PAQR7: variants seen among roughly 807,000 people sequenced by gnomAD.
The protein encoded by PAQR7 is progestin and adipoQ receptor family member 7.
A neutral mutation model predicts 24.6 loss-of-function variants in PAQR7; 14 were observed. That is an observed-to-expected ratio of 0.57 (90% CI 0.38 to 0.89). The LOEUF is 0.89. Among genes scored for constraint, PAQR7 ranks in the 40% least tolerant of loss-of-function variants. The pLI, the probability that PAQR7 is intolerant of heterozygous loss-of-function variation, is 0.00. For missense variants in PAQR7, 351 were observed against 444.0 expected (o/e 0.79, Z 1.88); for synonymous variants, 189 against 198.8 (o/e 0.95, Z 0.42).
chr1:25,865,412 C>T (rs969594326), intron 2 of PAQR7, among the ~76,000 whole-genome samples: 2 of 152,184 alleles, frequency 1.3e-5, no homozygotes, highest in African/African-American at 2.4e-5. Flanking sequence ...CAGTGGCTCA[C>T]GCCTGTAATC....
At chr1:25,866,484 G>C (rs78259430) in intron 2 of PAQR7, among the ~76,000 whole-genome samples, 3,932 of 152,224 alleles carry the variant, frequency 0.026, 168 homozygotes, top group African/African-American at 0.089. Flanking sequence ...TGAAAGATTT[G>C]ATCCCTGCCC....
Position 25,862,782 on chromosome 1 carries a change from C to G in PAQR7, c.*17G>C. On this transcript the variant is annotated 3_prime_UTR_variant, in exon 3 of 3. Coordinates refer to ENST00000675840, the MANE Select transcript of PAQR7 (RefSeq NM_178422.6). ...TCCCCCAACTATACCTCCCTCCCTA[C>G]CAGATGCCATCCCCCTTCACTTGGT... 6.2e-7 allele frequency: 1 copy of G among 1,605,598 alleles called. No individual in the cohort carries two copies. The highest frequency in any genetic ancestry group is 8.5e-7 in the Non-Finnish European group (1 of 1,174,664).
rs148531111 is a variant in PAQR7 at position 25,863,643 on chromosome 1, A to G, written c.197T>C (p.Phe66Ser). 1.4e-5 allele frequency: 22 copies of G among 1,614,000 alleles called. No homozygotes were observed. Among genetic ancestry groups the G allele is most frequent in the African/African-American group, 8.0e-5 (6 of 74,922 alleles). The change falls in exon 3 of 3, where the codon TTC (phenylalanine) becomes TCC (serine). Residue 66 changes from phenylalanine (F) to serine (S), a missense_variant. By Grantham distance (155) the Phe-to-Ser change is radical. Transcript: ENST00000675840. This position sits in a 1 kb window ranked among gnomAD's most constrained non-coding sequence, Gnocchi z 6.1. ...QTWRFYFRTL[F>S]QQHNEAVNVW... ...ATTCACGGCCTCGTTGTGCTGCTGG[A>G]ACAGCGTGCGGAAATAGAAGCGCCA...
In PAQR7 at chr1:25,875,680, C is replaced by G. The variant is rs1239273813; in HGVS notation, c.-301G>C. Among the ~76,000 whole-genome samples the G allele has an allele frequency of 6.6e-6, 1 of 151,952 alleles. No individual in the cohort carries two copies. The highest frequency in any genetic ancestry group is 2.4e-5 in the African/African-American group (1 of 41,396). ...CCCCGCCCGCCGCGCACAAGCAGCT[C>G]TGCCCCGCCAGGCCCACGTGTTGCA... On this transcript the variant is annotated 5_prime_UTR_variant, in exon 1 of 3. Coordinates refer to ENST00000675840, the MANE Select transcript of PAQR7 (RefSeq NM_178422.6). This position sits in a 1 kb window ranked among gnomAD's most constrained non-coding sequence, Gnocchi z 5.4.
rs2048641594 is a variant in PAQR7 at position 25,875,292 on chromosome 1, C to G, written c.-109+196G>C. On this transcript the variant is annotated intron_variant, in intron 1 of 2. Transcript: ENST00000675840. The surrounding 1 kb of genome is among the most constrained non-coding windows in gnomAD (Gnocchi z 5.4). ...TCCGCTGGCTGCTTCCCCGGGCGGG[C>G]GTCCTCTCACTTAGCCCAGGTGCTC... 6.6e-6 allele frequency among the ~76,000 whole-genome samples: 1 copy of G among 152,198 alleles called. No individual in the cohort carries two copies. The highest frequency in any genetic ancestry group is 6.5e-5 in the Admixed American group (1 of 15,286).
intron 2 of PAQR7, among the ~76,000 whole-genome samples, chr1:25,869,888 C>G (rs143423378): frequency 6.6e-6 from 1 of 152,176 alleles, no homozygotes; most frequent in Non-Finnish European, 1.5e-5. Flanking sequence ...TGAGTGACAG[C>G]GCTCGCTTAT....
Position 25,862,935 on chromosome 1 carries a change from G to C in PAQR7, c.905C>G (p.Pro302Arg). The change falls in exon 3 of 3, where the codon CCC becomes CGC. Residue 302 changes from proline (P) to arginine (R), a missense_variant. Transcript: ENST00000675840. The stretch of plus-strand genomic sequence containing the variant: ...GTGCGTGTGCAGAGGCTCATAGATG[G>C]GCCGTCGGGCCTCATAGTCCAGTGC... Reference protein sequence around the residue: ...AVALDYEARRPIYEPLHTHWP... With the variant: ...AVALDYEARRRIYEPLHTHWP... The C allele has an allele frequency of 6.2e-7, 1 of 1,614,176 alleles. No individual in the cohort carries two copies. The highest frequency in any genetic ancestry group is 8.5e-7 in the Non-Finnish European group (1 of 1,180,042).
chr1:25,875,620 C>G lies in PAQR7; in HGVS notation c.-241G>C, dbSNP rs2048646372. Among the ~76,000 whole-genome samples, 1 of 151,534 alleles carries G rather than the reference C, an allele frequency of 6.6e-6. No homozygotes were observed. Among genetic ancestry groups the G allele is most frequent in the Non-Finnish European group, 1.5e-5 (1 of 67,826 alleles). ...GCCTCGGGCGCTCTGGCTACAGCCG[C>G]CTCCGCGGGCCCAGGCGACGCCGAG... On this transcript the variant is annotated 5_prime_UTR_variant, in exon 1 of 3. Coordinates refer to ENST00000675840, the MANE Select transcript of PAQR7 (RefSeq NM_178422.6). This position sits in a 1 kb window ranked among gnomAD's most constrained non-coding sequence, Gnocchi z 5.4.
intron 1 of PAQR7, among the ~76,000 whole-genome samples, chr1:25,871,458 G>A (rs1402525577): frequency 1.3e-5 from 2 of 152,076 alleles, no homozygotes; most frequent in African/African-American, 4.8e-5. Flanking sequence ...GAGTCTTCTG[G>A]GTTGGCTGAA....
chr1:25,874,457 A>G (rs2048632492), intron 1 of PAQR7, among the ~76,000 whole-genome samples: 1 of 152,220 alleles, frequency 6.6e-6, no homozygotes, highest in Non-Finnish European at 1.5e-5. Context: ...ATAGTCACCC[A>G]GCATGGGGCA....
intron 2 of PAQR7, among the ~76,000 whole-genome samples, chr1:25,865,978 C>G (rs1028249678): frequency 7.5e-5 from 11 of 146,878 alleles, no homozygotes; most frequent in African/African-American, 2.9e-4. Context: ...AAGAGGGAAA[C>G]TCCGTCTCAA....
chr1:25,864,285 G>C (rs1166721360), intron 2 of PAQR7, among the ~76,000 whole-genome samples: 1 of 152,114 alleles, frequency 6.6e-6, no homozygotes, highest in East Asian at 1.9e-4. Context: ...TTCAACTGGT[G>C]GCAATAATGA....
Position 25,862,941 on chromosome 1 carries a change from C to T in PAQR7, c.899G>A (p.Arg300Gln), listed in dbSNP as rs143779013. 70 of 1,614,010 alleles carry T rather than the reference C, an allele frequency of 4.3e-5. No homozygotes were observed. Among genetic ancestry groups the T allele is most frequent in the Non-Finnish European group, 5.1e-5 (60 of 1,180,058 alleles). The change falls in exon 3 of 3, where the codon CGA becomes CAA. Residue 300 changes from arginine (R) to glutamine (Q), a missense_variant. Physicochemically the swap from Arg to Gln is conservative, Grantham distance 43. Transcript: ENST00000675840. The part of the protein sequence containing the change: ...LEAVALDYEA[R>Q]RPIYEPLHTH... ...GTGCAGAGGCTCATAGATGGGCCGT[C>T]GGGCCTCATAGTCCAGTGCCACAGC...
intron 1 of PAQR7, among the ~76,000 whole-genome samples, chr1:25,873,039 A>C (rs1486281107): frequency 6.6e-6 from 1 of 152,252 alleles, no homozygotes; most frequent in Non-Finnish European, 1.5e-5. Flanking sequence ...TACAAATAAT[A>C]AGGCCAGACC....
chr1:25,866,234 T>C (rs1201185077), intron 2 of PAQR7, among the ~76,000 whole-genome samples: 2 of 152,018 alleles, frequency 1.3e-5, no homozygotes, highest in Non-Finnish European at 2.9e-5. Flanking sequence ...CTGCTCCTAC[T>C]ACCCTTATTC....
At chr1:25,865,299 C>T (rs1050288470) in intron 2 of PAQR7, among the ~76,000 whole-genome samples, 1 of 152,216 alleles carries the variant, frequency 6.6e-6, no homozygotes, top group Non-Finnish European at 1.5e-5. Flanking sequence ...CATGTGAGCT[C>T]ATCAAGGGGA....
At chr1:25,864,718 GC>G (rs2048542437) in intron 2 of PAQR7, among the ~76,000 whole-genome samples, 1 of 152,060 alleles carries the variant, frequency 6.6e-6, no homozygotes, top group Non-Finnish European at 1.5e-5. Context: ...AGGTGTGGTG[GC>G]ATGTGCCTGT....
chr1:25,862,681 CAG>C lies in PAQR7; in HGVS notation c.*116_*117del, dbSNP rs1323218515. On this transcript the variant is annotated 3_prime_UTR_variant, in exon 3 of 3. Coordinates refer to ENST00000675840, the MANE Select transcript of PAQR7 (RefSeq NM_178422.6). ...ATGCCCTTGGCAGTTGAGTCGTGCA[CAG>C]AGAGTCACTGTGGGCCAGACACAAA... 6 of 1,120,858 alleles carry C rather than the reference CAG, an allele frequency of 5.4e-6. No homozygotes were observed. The highest frequency in any genetic ancestry group is 4.6e-5 in the South Asian group (3 of 64,650). 69.4% of individuals were successfully genotyped at this position (1,120,858 alleles called of 1,614,324 possible).
In PAQR7 at chr1:25,862,634, T is replaced by C. The variant is rs2048520495; in HGVS notation, c.*165A>G. ...ACCCCAGCAACTCCTAGCCAATCCC[T>C]AAATCCAAGAATTGGCCAGTGATGC... On this transcript the variant is annotated 3_prime_UTR_variant, in exon 3 of 3. Coordinates refer to ENST00000675840, the MANE Select transcript of PAQR7 (RefSeq NM_178422.6). 4 of 797,726 alleles carry C rather than the reference T, an allele frequency of 5.0e-6. No homozygotes were observed. Among genetic ancestry groups the C allele is most frequent in the Non-Finnish European group, 7.8e-6 (4 of 509,638 alleles). 49.4% of individuals were successfully genotyped at this position (797,726 alleles called of 1,614,324 possible).
Sources: allele counts gnomAD v4.1 joint callset (sites outside exome capture counted in the v4.1 genomes callset), GRCh38; gene constraint gnomAD v4.1.1; non-coding constraint Gnocchi (gnomAD v3.1); transcripts MANE v1.5; gene names NCBI Gene and HGNC (gene_info 2026-07-23, HGNC 2026-07-21).